CARS2: variants seen among roughly 807,000 people sequenced by gnomAD.
The protein encoded by CARS2 is cysteinyl-tRNA synthetase 2, mitochondrial.
Under a neutral mutation model 68.8 loss-of-function variants are expected in CARS2, and 52 were observed. The observed-to-expected ratio is 0.76, with a 90% CI of 0.61 to 0.95. The LOEUF is 0.95. CARS2 is among the 40% of genes least tolerant of loss of function. The pLI is 0.00. For missense variants in CARS2, 780 were observed against 754.2 expected (o/e 1.03, Z -0.40); for synonymous variants, 314 against 303.6 (o/e 1.03, Z -0.36).
intron 9 of CARS2, among the ~76,000 whole-genome samples, chr13:110,659,888 G>C (rs2062459240): frequency 6.6e-6 from 1 of 152,140 alleles, no homozygotes; most frequent in Non-Finnish European, 1.5e-5. Flanking sequence ...CAATAATGAA[G>C]TCTGTGCCAT....
upstream of CARS2, among the ~76,000 whole-genome samples, chr13:110,711,432 C>T (rs1274653197): frequency 6.6e-6 from 1 of 152,144 alleles, no homozygotes; most frequent in Non-Finnish European, 1.5e-5. Flanking sequence ...CAAGCTGGTC[C>T]CGAACTCCTG....
chr13:110,670,226 A>G lies in CARS2; in HGVS notation c.786-2753T>C, dbSNP rs1421698212. Among the ~76,000 whole-genome samples, 1 of 152,140 alleles carries G rather than the reference A, an allele frequency of 6.6e-6. No individual in the cohort carries two copies. The highest frequency in any genetic ancestry group is 1.9e-4 in the East Asian group (1 of 5,186). The stretch of plus-strand genomic sequence containing the variant: ...AAGAGTAGTGGTTCTCCCAGCACGG[A>G]GTTTGAGATCTGAGAACGGACAGAC... On this transcript the variant is annotated intron_variant, in intron 7 of 14. Coordinates refer to ENST00000257347, the MANE Select transcript of CARS2 (RefSeq NM_024537.4). This position sits in a 1 kb window ranked among gnomAD's most constrained non-coding sequence, Gnocchi z 4.1.
In CARS2 at chr13:110,705,900, A is replaced by AG; in HGVS notation, c.193dup (p.Leu65ProfsTer13). On this transcript the variant is annotated frameshift_variant, in exon 1 of 15. Transcript: ENST00000257347. LOFTEE classifies it high-confidence loss of function. This position sits in a 1 kb window ranked among gnomAD's most constrained non-coding sequence, Gnocchi z 4.0. Reference sequence around the variant, plus strand: ...GGCGGCTTCGGCGTGCGCCACGATTAGGGGTTCCTTCCTCCCGGTGAGGCT... The same window carrying AG: ...GGCGGCTTCGGCGTGCGCCACGATTAGGGGGTTCCTTCCTCCCGGTGAGGCT... 3.8e-6 allele frequency: 6 copies of AG among 1,574,490 alleles called. No individual in the cohort carries two copies. The highest frequency in any genetic ancestry group is 4.3e-6 in the Non-Finnish European group (5 of 1,162,294).
rs1022027102 is a variant in CARS2 at position 110,670,233 on chromosome 13, G to T, written c.786-2760C>A. On this transcript the variant is annotated intron_variant, in intron 7 of 14. Coordinates refer to ENST00000257347, the MANE Select transcript of CARS2 (RefSeq NM_024537.4). The surrounding 1 kb of genome is among the most constrained non-coding windows in gnomAD (Gnocchi z 4.1). ...GTGGTTCTCCCAGCACGGAGTTTGA[G>T]ATCTGAGAACGGACAGACTGCCTCC... Among the ~76,000 whole-genome samples, 5 of 152,212 alleles carry T rather than the reference G, an allele frequency of 3.3e-5. No individual in the cohort carries two copies. Among genetic ancestry groups the T allele is most frequent in the African/African-American group, 1.2e-4 (5 of 41,458 alleles).
chr13:110,654,733 C>T (rs968335428), intron 9 of CARS2, among the ~76,000 whole-genome samples: 2 of 151,572 alleles, frequency 1.3e-5, no homozygotes, highest in African/African-American at 2.4e-5. Flanking sequence ...GCCTGGGCAA[C>T]ATAGTGAGAC....
chr13:110,642,480 C>T lies in CARS2; in HGVS notation c.1458G>A (p.Val486=). 1.9e-6 allele frequency: 3 copies of T among 1,610,460 alleles called. No homozygotes were observed. Among genetic ancestry groups the T allele is most frequent in the South Asian group, 1.1e-5 (1 of 90,410 alleles). ...GCCGGAACCGCACCAGCTCGTCCAC[C>T]ACACCATGCAAGGTAGCCTCGCTGC... The part of the protein sequence containing the change: ...GDGSEATLHG[V]VDELVRFRQK... Residue 486 remains valine, a synonymous_variant, in exon 14 of 15, where the codon GTG becomes GTA. Coordinates refer to ENST00000257347, the MANE Select transcript of CARS2 (RefSeq NM_024537.4).
intron 10 of CARS2, 46 bp from the exon 11 acceptor site, chr13:110,647,285 GCCCC>G: frequency 6.3e-7 from 1 of 1,588,994 alleles, no homozygotes; most frequent in Non-Finnish European, 8.6e-7. Flanking sequence ...ACCATGCTGT[GCCCC>G]TGCCCTGGTC....
chr13:110,654,525 T>C (rs1184862795), intron 9 of CARS2, among the ~76,000 whole-genome samples: 1 of 151,946 alleles, frequency 6.6e-6, no homozygotes. Context: ...ACCAAAAATA[T>C]AAATGAAAAA....
At chr13:110,697,599 C>T (rs561240567) in intron 3 of CARS2, among the ~76,000 whole-genome samples, 2 of 152,230 alleles carry the variant, frequency 1.3e-5, no homozygotes, top group African/African-American at 4.8e-5. Flanking sequence ...CACACCTCCA[C>T]ACCCAGCTAA....
chr13:110,654,647 G>A (rs756620265), intron 9 of CARS2, among the ~76,000 whole-genome samples: 8 of 151,948 alleles, frequency 5.3e-5, no homozygotes, highest in Non-Finnish European at 4.4e-5. Flanking sequence ...GCCAGGTGCC[G>A]TGGGTCACAC....
At position 110,701,451 on chromosome 13, in the gene CARS2, T is replaced by C; in HGVS notation, c.380A>G (p.Lys127Arg). 1 of 1,463,126 alleles carries C rather than the reference T, an allele frequency of 6.8e-7. No homozygotes were observed. The highest frequency in any genetic ancestry group is 9.6e-7 in the Non-Finnish European group (1 of 1,042,264). 90.6% of individuals were successfully genotyped at this position (1,463,126 alleles called of 1,614,324 possible). A position where few individuals can be genotyped will look rare whatever the true frequency, so the allele number is the denominator to read the frequency against. ...GITDVDDKII[K>R]RANEMNISPA... ...TTCTCCACTTACCTCATTGGCTCTT[T>C]TGATGATTTTATCATCTACATCTGT... is the stretch of plus-strand genomic sequence containing the variant. The change falls in exon 3 of 15, where the codon AAA (lysine) becomes AGA (arginine). Residue 127 changes from lysine (K) to arginine (R), a missense_variant. Coordinates refer to ENST00000257347, the MANE Select transcript of CARS2 (RefSeq NM_024537.4).
chr13:110,661,042 G>A (rs954654979), intron 9 of CARS2, among the ~76,000 whole-genome samples: 2 of 152,184 alleles, frequency 1.3e-5, no homozygotes, highest in African/African-American at 2.4e-5. Flanking sequence ...TTACAAACGT[G>A]AGCCACTGCA....
At chr13:110,712,808 C>T (rs2064047530) in intron 1 of CARS2, 1 of 797,862 alleles carries the variant, frequency 1.3e-6, no homozygotes, top group Admixed American at 2.0e-5. Context: ...CGGGCCTATC[C>T]ACCTCTTCTG....
intron 10 of CARS2, chr13:110,650,653 G>A (rs1484793376): frequency 5.0e-6 from 1 of 200,714 alleles, no homozygotes; most frequent in East Asian, 1.4e-4. Flanking sequence ...GGGAAGTGCT[G>A]CCCCTGGGCA....
In CARS2 at chr13:110,670,985, G is replaced by A. The variant is rs1213291749; in HGVS notation, c.786-3512C>T. Among the ~76,000 whole-genome samples the A allele has an allele frequency of 1.3e-5, 2 of 152,158 alleles. No individual in the cohort carries two copies. Among genetic ancestry groups the A allele is most frequent in the African/African-American group, 4.8e-5 (2 of 41,448 alleles). ...ATCAGTGATTGAAGATCAAATGAAT[G>A]AAATGAAGCAGGAAGAGAAGTTTAG... On this transcript the variant is annotated intron_variant, in intron 7 of 14. Transcript: ENST00000257347. The surrounding 1 kb of genome is among the most constrained non-coding windows in gnomAD (Gnocchi z 4.1).
chr13:110,671,596 G>A (rs1390131700), intron 7 of CARS2, among the ~76,000 whole-genome samples: 1 of 152,178 alleles, frequency 6.6e-6, no homozygotes, highest in African/African-American at 2.4e-5. Flanking sequence ...ACCAGTACCA[G>A]CCACTGCAAA....
rs1887817334 is a variant in CARS2, at chr13:110,644,434, T to A, written c.1367A>T (p.Tyr456Phe). The change falls in exon 13 of 15, where the codon TAC becomes TTC. Residue 456 changes from tyrosine (Y) to phenylalanine (F), a missense_variant. Coordinates refer to ENST00000257347, the MANE Select transcript of CARS2 (RefSeq NM_024537.4). Reference protein sequence around the residue: ...SPAVFGAIISYFEQFFETVGI... With the variant: ...SPAVFGAIISFFEQFFETVGI... ...AACAGTTTCAAAAAACTGTTCAAAG[T>A]AAGAGATGATGGCACCAAACACAGC... The A allele has an allele frequency of 5.0e-6, 8 of 1,614,070 alleles. No individual in the cohort carries two copies. The highest frequency in any genetic ancestry group is 1.6e-4 in the Middle Eastern group (1 of 6,062).
At chr13:110,659,704 T>C (rs2062455727) in intron 9 of CARS2, among the ~76,000 whole-genome samples, 2 of 152,206 alleles carry the variant, frequency 1.3e-5, no homozygotes, top group Non-Finnish European at 2.9e-5. Context: ...GAAAGAACAA[T>C]GTACGTACCT....
rs533679147 is a variant in CARS2, at chr13:110,676,635, C to T, written c.785+339G>A. On this transcript the variant is annotated intron_variant, in intron 7 of 14. Coordinates refer to ENST00000257347, the MANE Select transcript of CARS2 (RefSeq NM_024537.4). The surrounding 1 kb of genome is among the most constrained non-coding windows in gnomAD (Gnocchi z 4.0). ...GAGGGATTTGGGGGCTAGAGAAGTG[C>T]GAAGCGAGGAGGGATGTAGGTGCAA... 7.9e-5 allele frequency among the ~76,000 whole-genome samples: 12 copies of T among 152,122 alleles called. No homozygotes were observed. In the South Asian group the frequency reaches 1.4e-3, roughly 18 times the overall value.
Sources: gnomAD v4.1 joint callset for allele counts (sites outside exome capture counted in the v4.1 genomes callset) on GRCh38, gnomAD v4.1.1 for gene constraint, Gnocchi (gnomAD v3.1) non-coding constraint, MANE v1.5 for transcripts, NCBI Gene and HGNC (gene_info 2026-07-23, HGNC 2026-07-21) for gene names.